The following HPSE2 variants were observed in gnomAD, a reference collection of about 807,000 sequenced individuals.
HPSE2 encodes heparanase 2 (inactive), also known as inactive heparanase-2.
A neutral mutation model predicts 60.5 loss-of-function variants in HPSE2; 38 were observed. That is an observed-to-expected ratio of 0.63 (90% confidence interval 0.48 to 0.82). The LOEUF is 0.82. Among genes scored for constraint, HPSE2 ranks in the 40% least tolerant of loss-of-function variants. The probability of loss-of-function intolerance (pLI) is 0.00; values close to 1 mark genes in which losing one functional copy is unlikely to be tolerated. For synonymous variants in HPSE2, 295 were observed against 293.2 expected (o/e 1.01, Z -0.06); for missense variants, 713 against 740.4 (o/e 0.96, Z 0.43).
intron 9 of HPSE2, among the ~76,000 whole-genome samples, chr10:98,501,584 G>A (rs1264022029): frequency 6.6e-6 from 1 of 152,144 alleles, no homozygotes; most frequent in Non-Finnish European, 1.5e-5. Flanking sequence ...ACAAACCACA[G>A]CCAACATAAT....
At chr10:98,935,202 C>T (rs765319681) in intron 3 of HPSE2, among the ~76,000 whole-genome samples, 1 of 142,514 alleles carries the variant, frequency 7.0e-6, no homozygotes, top group Non-Finnish European at 1.5e-5. Flanking sequence ...TATCATGGTT[C>T]TTAGCTTCTT....
intron 3 of HPSE2, among the ~76,000 whole-genome samples, chr10:99,056,018 A>C (rs886083115): frequency 3.3e-5 from 5 of 152,124 alleles, no homozygotes; most frequent in African/African-American, 9.6e-5. Flanking sequence ...AATAAAATCC[A>C]AAGTTTTTCT....
intron 3 of HPSE2, among the ~76,000 whole-genome samples, chr10:99,048,842 T>C (rs964951833): frequency 6.6e-6 from 1 of 152,102 alleles, no homozygotes; most frequent in African/African-American, 2.4e-5. Context: ...TATCCATCAG[T>C]GGTGGACTAG....
chr10:99,264,039 G>A, the HPSE2 span, among the ~76,000 whole-genome samples: 9 of 151,278 alleles, frequency 5.9e-5, no homozygotes, highest in Admixed American at 1.3e-4. Flanking sequence ...TCTCAACCAC[G>A]CTATCAATCT....
intron 6 of HPSE2, among the ~76,000 whole-genome samples, chr10:98,664,386 G>T (rs1216841933): frequency 6.6e-6 from 1 of 152,112 alleles, no homozygotes; most frequent in African/African-American, 2.4e-5. Context: ...ACCTTCTTCT[G>T]CAGGGCCAGT....
At chr10:98,715,112 A>G (rs1416220374) in intron 5 of HPSE2, among the ~76,000 whole-genome samples, 4 of 151,788 alleles carry the variant, frequency 2.6e-5, no homozygotes, top group African/African-American at 9.7e-5. Context: ...TGACTTGCAA[A>G]TATTTTCTCC....
At chr10:98,621,931 G>A (rs968998519) in intron 7 of HPSE2, among the ~76,000 whole-genome samples, 14 of 152,224 alleles carry the variant, frequency 9.2e-5, no homozygotes, top group African/African-American at 2.9e-4. Flanking sequence ...CTGGGAGGAT[G>A]CCAGCTATGC....
intron 6 of HPSE2, among the ~76,000 whole-genome samples, chr10:98,655,868 C>T (rs1947047099): frequency 6.6e-6 from 1 of 152,100 alleles, no homozygotes; most frequent in Non-Finnish European, 1.5e-5. Context: ...TTCTAAGGCC[C>T]TTTCCAGATC....
intron 3 of HPSE2, among the ~76,000 whole-genome samples, chr10:99,015,721 G>A: frequency 6.6e-6 from 1 of 152,042 alleles, no homozygotes; most frequent in East Asian, 1.9e-4. Flanking sequence ...TAATGTTAAA[G>A]GACGAGTTAA....
intron 3 of HPSE2, chr10:98,924,597 C>G (rs199690749): frequency 3.4e-4 from 52 of 152,316 alleles, no homozygotes; most frequent in African/African-American, 1.2e-3. Flanking sequence ...GACAAAGTAC[C>G]CTTTAACTTT....
chr10:98,545,632 T>G (rs1220051078), intron 9 of HPSE2, among the ~76,000 whole-genome samples: 4 of 152,146 alleles, frequency 2.6e-5, no homozygotes, highest in Admixed American at 1.3e-4. Context: ...GCTCAATAAA[T>G]TAGGTATTGA....
intron 3 of HPSE2, among the ~76,000 whole-genome samples, chr10:98,850,391 A>G (rs1214575997): frequency 2.0e-5 from 3 of 152,196 alleles, no homozygotes; most frequent in Admixed American, 6.5e-5. Flanking sequence ...TCTGGTGCCA[A>G]CTGGTAAACT....
intron 2 of HPSE2, among the ~76,000 whole-genome samples, chr10:99,179,832 G>A (rs1847687973): frequency 2.0e-5 from 3 of 151,576 alleles, no homozygotes; most frequent in Admixed American, 2.0e-4. Context: ...GAACAAAGCT[G>A]GAGGCATCAC....
chr10:98,521,938 T>C (rs1018416931), intron 9 of HPSE2, among the ~76,000 whole-genome samples: 6 of 151,680 alleles, frequency 4.0e-5, no homozygotes, highest in Non-Finnish European at 5.9e-5. Flanking sequence ...AACAATGAGA[T>C]AACTTGGACA....
chr10:99,162,581 G>C (rs991582939), intron 2 of HPSE2, among the ~76,000 whole-genome samples: 2 of 152,126 alleles, frequency 1.3e-5, no homozygotes, highest in South Asian at 4.1e-4. Context: ...CTTGAAACAG[G>C]TTCACAGACT....
chr10:99,277,836 G>A, the HPSE2 span, among the ~76,000 whole-genome samples: 1 of 152,014 alleles, frequency 6.6e-6, no homozygotes, highest in African/African-American at 2.4e-5. Flanking sequence ...GGTGGCTCAC[G>A]CCTGTAATCC....
At chr10:98,547,811 TA>T (rs542179876) in intron 9 of HPSE2, among the ~76,000 whole-genome samples, 13 of 150,496 alleles carry the variant, frequency 8.6e-5, no homozygotes, top group Non-Finnish European at 1.0e-4. Context: ...ATAATAATAA[TA>T]AAAAAAAGAA....
intron 9 of HPSE2, among the ~76,000 whole-genome samples, chr10:98,606,935 T>C (rs998450313): frequency 1.3e-5 from 2 of 152,194 alleles, no homozygotes; most frequent in South Asian, 2.1e-4. Flanking sequence ...TGTTTGCCAA[T>C]ATAGTCTTTA....
chr10:98,953,291 T>A (rs891099712), intron 3 of HPSE2, among the ~76,000 whole-genome samples: 1 of 152,150 alleles, frequency 6.6e-6, no homozygotes, highest in Admixed American at 6.5e-5. Flanking sequence ...ATAGGATTCT[T>A]CCCACATGAC....
Sources: gnomAD v4.1 joint callset for allele counts (sites outside exome capture counted in the v4.1 genomes callset) on GRCh38, gnomAD v4.1.1 for gene constraint, MANE v1.5 for transcripts, NCBI Gene and HGNC (gene_info 2026-07-23, HGNC 2026-07-21) for gene names.